Variants in UBE2W observed in about 807,000 individuals in gnomAD.
UBE2W encodes the protein ubiquitin-conjugating enzyme E2 W.
In UBE2W, 18 loss-of-function variants were observed where a neutral mutation model predicts 27.2. That is an observed-to-expected ratio of 0.66 (90% CI 0.46 to 0.98). The LOEUF is 0.98. Among genes scored for constraint, UBE2W ranks in the 50% least tolerant of loss-of-function variants. UBE2W has a pLI of 0.00. For synonymous variants in UBE2W, 53 were observed against 57.2 expected (o/e 0.93, Z 0.33); for missense variants, 90 against 180.2 (o/e 0.50, Z 2.87).
chr8:73,851,891 G>C (rs755721975), intron 1 of UBE2W, among the ~76,000 whole-genome samples: 1 of 140,072 alleles, frequency 7.1e-6, no homozygotes, highest in Non-Finnish European at 1.5e-5. Flanking sequence ...CCAAGTACTT[G>C]AGAGGCTGAG....
intron 1 of UBE2W, among the ~76,000 whole-genome samples, chr8:73,839,490 A>G: frequency 6.6e-6 from 1 of 151,914 alleles, no homozygotes; most frequent in Non-Finnish European, 1.5e-5. Flanking sequence ...CATCTCTACT[A>G]AACAAAATTA....
At chr8:73,877,566 T>C (rs1812284504) in intron 1 of UBE2W, among the ~76,000 whole-genome samples, 1 of 152,104 alleles carries the variant, frequency 6.6e-6, no homozygotes, top group Admixed American at 6.5e-5. Context: ...AGAAAAACAC[T>C]TTTAGCAGAG....
intron 1 of UBE2W, among the ~76,000 whole-genome samples, chr8:73,874,666 T>A (rs1812144189): frequency 6.6e-6 from 1 of 152,232 alleles, no homozygotes; most frequent in South Asian, 2.1e-4. Flanking sequence ...CAAGAAACTT[T>A]TCATGTAATA....
At chr8:73,861,537 G>A (rs1811533207) in intron 1 of UBE2W, among the ~76,000 whole-genome samples, 1 of 152,134 alleles carries the variant, frequency 6.6e-6, no homozygotes, top group South Asian at 2.1e-4. Context: ...TCAACTCCTG[G>A]CTCCAAGCAA....
At chr8:73,846,629 T>G in intron 1 of UBE2W, among the ~76,000 whole-genome samples, 1 of 152,072 alleles carries the variant, frequency 6.6e-6, no homozygotes, top group Non-Finnish European at 1.5e-5. Flanking sequence ...CAAAAAAAAT[T>G]TTTGGTTTTT....
rs1808049177 is a variant in UBE2W, at chr8:73,788,336, T to C, written c.*5766A>G. Reference sequence around the variant, plus strand: ...ATATACATCCACCCTATTCAAATCCTCAAGCATGAGCTTTCATTCCTATTA... The same window carrying C: ...ATATACATCCACCCTATTCAAATCCCCAAGCATGAGCTTTCATTCCTATTA... On this transcript the variant is annotated 3_prime_UTR_variant, in exon 6 of 6. Transcript: ENST00000602593. 1 of 985,310 alleles carries C rather than the reference T, an allele frequency of 1.0e-6. No homozygotes were observed. Among genetic ancestry groups the C allele is most frequent in the African/African-American group, 1.7e-5 (1 of 57,246 alleles). 61.0% of individuals were successfully genotyped at this position (985,310 alleles called of 1,614,324 possible).
chr8:73,842,346 GGT>G (rs924695158), intron 1 of UBE2W, among the ~76,000 whole-genome samples: 63 of 151,844 alleles, frequency 4.1e-4, no homozygotes, highest in African/African-American at 1.5e-3. Context: ...GGCTTAACAT[GGT>G]GAAACCCTGT....
intron 1 of UBE2W, among the ~76,000 whole-genome samples, chr8:73,868,705 A>AAG (rs911099652): frequency 7.0e-5 from 7 of 100,086 alleles, no homozygotes; most frequent in African/African-American, 4.0e-4. Flanking sequence ...GCTTGGTGTG[A>AAG]AAAAAAAAAA....
intron 4 of UBE2W, 66 bp from the exon 5 acceptor site, chr8:73,805,792 A>G: frequency 1.1e-6 from 1 of 907,520 alleles, no homozygotes; most frequent in Non-Finnish European, 1.6e-6. Flanking sequence ...AGTTTTAATA[A>G]AAGCTTAAGA....
At chr8:73,805,455 A>AAAAAAAAAAAACAAAAC (rs1491310608) in intron 5 of UBE2W, among the ~76,000 whole-genome samples, 196 bp downstream of exon 5, 2 of 29,520 alleles carry the variant, frequency 6.8e-5, no homozygotes, top group Non-Finnish European at 8.8e-5. Context: ...ACTCCATCTC[A>AAAAAAAAAAAACAAAAC]AAAAAAAAAA....
chr8:73,870,406 AC>A, intron 1 of UBE2W: 2 of 1,061,006 alleles, frequency 1.9e-6, no homozygotes, highest in African/African-American at 1.6e-5. Flanking sequence ...AAAAAAAAAG[AC>A]AAAAGCATCT....
At chr8:73,816,780 C>G (rs1809404516) in intron 3 of UBE2W, among the ~76,000 whole-genome samples, 1 of 152,234 alleles carries the variant, frequency 6.6e-6, no homozygotes, top group African/African-American at 2.4e-5. Flanking sequence ...AGCCTGTAAT[C>G]CCAGCAGTTT....
At position 73,821,219 on chromosome 8, in the gene UBE2W, C is replaced by T. The variant is rs556245792; in HGVS notation, c.210+3928G>A. Among the ~76,000 whole-genome samples the T allele has an allele frequency of 5.6e-4, 86 of 152,216 alleles. 1 individual carries two copies. The South Asian group carries it at 8.1e-3, about 14-fold the overall frequency. On this transcript the variant is annotated intron_variant, in intron 3 of 5. Coordinates refer to ENST00000602593, the MANE Select transcript of UBE2W (RefSeq NM_018299.6). ...GTATTAAAACGTGAACAAGGCACTTCACTTCTACAAGTTTCAATTTCTTCA... is the reference window on the plus strand; with the variant it reads ...GTATTAAAACGTGAACAAGGCACTTTACTTCTACAAGTTTCAATTTCTTCA...
chr8:73,841,382 T>C (rs1810529127), intron 1 of UBE2W, among the ~76,000 whole-genome samples: 1 of 152,248 alleles, frequency 6.6e-6, no homozygotes, highest in Admixed American at 6.5e-5. Context: ...CAGTTACTTA[T>C]TAAAACTGTT....
intron 1 of UBE2W, among the ~76,000 whole-genome samples, chr8:73,837,241 G>A (rs1014363772): frequency 2.0e-5 from 3 of 152,180 alleles, no homozygotes; most frequent in Admixed American, 6.5e-5. Flanking sequence ...GGTCGGGTGC[G>A]GTGGCTCATG....
At chr8:73,859,309 C>T (rs1373125896) in intron 1 of UBE2W, among the ~76,000 whole-genome samples, 10 of 152,060 alleles carry the variant, frequency 6.6e-5, no homozygotes, top group Admixed American at 1.3e-4. Flanking sequence ...AGTTTGAGAC[C>T]ACCCTGGCCA....
intron 1 of UBE2W, among the ~76,000 whole-genome samples, chr8:73,859,107 C>A (rs1207584430): frequency 1.3e-5 from 2 of 151,960 alleles, no homozygotes; most frequent in Non-Finnish European, 2.9e-5. Context: ...CAGGTTTGAA[C>A]TGCACAGGTC....
intron 1 of UBE2W, among the ~76,000 whole-genome samples, chr8:73,861,841 C>T (rs1264604848): frequency 6.6e-6 from 1 of 151,998 alleles, no homozygotes; most frequent in Non-Finnish European, 1.5e-5. Flanking sequence ...TATAAAATGG[C>T]CATCAAACAA....
intron 2 of UBE2W, among the ~76,000 whole-genome samples, chr8:73,829,875 A>G (rs541426476): frequency 6.6e-6 from 1 of 152,092 alleles, no homozygotes; most frequent in East Asian, 1.9e-4. Context: ...ATTATTTTAG[A>G]TTTCTCCATG....
Sources: gnomAD v4.1 joint callset for allele counts (sites outside exome capture counted in the v4.1 genomes callset) on GRCh38, gnomAD v4.1.1 for gene constraint, MANE v1.5 for transcripts, NCBI Gene and HGNC (gene_info 2026-07-23, HGNC 2026-07-21) for gene names.